NCOA2: variants seen among roughly 807,000 people sequenced by gnomAD.
The protein encoded by NCOA2 is nuclear receptor coactivator 2.
A neutral mutation model predicts 145.1 loss-of-function variants in NCOA2; 21 were observed. The observed-to-expected ratio is 0.14, with a 90% CI of 0.10 to 0.21. The LOEUF is 0.21. Among genes scored for constraint, NCOA2 ranks in the 10% least tolerant of loss-of-function variants. The probability of loss-of-function intolerance (pLI) is 1.00; values close to 1 mark genes in which losing one functional copy is unlikely to be tolerated. For missense variants in NCOA2, 1,472 were observed against 1,837.6 expected (o/e 0.80, Z 3.64); for synonymous variants, 619 against 637.5 (o/e 0.97, Z 0.44).
At chr8:70,198,492 C>A (rs2133452035) in intron 4 of NCOA2, among the ~76,000 whole-genome samples, 1 of 152,230 alleles carries the variant, frequency 6.6e-6, no homozygotes, top group Non-Finnish European at 1.5e-5. Flanking sequence ...TCACTGGAGG[C>A]TCAGGAGTTA....
At chr8:70,208,833 C>T (rs1263518538) in intron 4 of NCOA2, among the ~76,000 whole-genome samples, 1 of 152,158 alleles carries the variant, frequency 6.6e-6, no homozygotes, top group Non-Finnish European at 1.5e-5. Flanking sequence ...TGGCAATGGA[C>T]CCAGTCACCC....
chr8:70,255,301 A>C (rs1171900623), intron 2 of NCOA2, among the ~76,000 whole-genome samples: 1 of 152,230 alleles, frequency 6.6e-6, no homozygotes, highest in Non-Finnish European at 1.5e-5. Flanking sequence ...ATTTTTTGCC[A>C]AACTTAAAAA....
chr8:70,259,760 T>C (rs760055663), intron 2 of NCOA2, among the ~76,000 whole-genome samples: 59 of 152,178 alleles, frequency 3.9e-4, no homozygotes, highest in Non-Finnish European at 6.8e-4. Context: ...AAAATAAGAA[T>C]CACTCAATAA....
intron 13 of NCOA2, among the ~76,000 whole-genome samples, chr8:70,142,179 CTA>C (rs1810515948): frequency 6.6e-6 from 1 of 152,136 alleles, no homozygotes; most frequent in Non-Finnish European, 1.5e-5. Flanking sequence ...ACTTGATATT[CTA>C]AAGGGAAAAC....
chr8:70,336,373 C>T lies in NCOA2; in HGVS notation c.-76-39573G>A, dbSNP rs193235587. Among the ~76,000 whole-genome samples, 201 of 152,160 alleles carry T rather than the reference C, an allele frequency of 1.3e-3. 1 individual carries two copies. The highest frequency in any genetic ancestry group is 1.5e-3 in the Non-Finnish European group (105 of 68,002). On this transcript the variant is annotated intron_variant, in intron 1 of 22. Transcript: ENST00000452400. ...GGCTTATTTCACTTAGCCAGTCCACCCATATTGTAACATGTATCAGAAATT... is the reference window on the plus strand; with the variant it reads ...GGCTTATTTCACTTAGCCAGTCCACTCATATTGTAACATGTATCAGAAATT...
intron 2 of NCOA2, among the ~76,000 whole-genome samples, chr8:70,239,712 A>G (rs1037484541): frequency 1.3e-5 from 2 of 152,228 alleles, no homozygotes; most frequent in South Asian, 2.1e-4. Context: ...GGTTGGCTCA[A>G]TCAGGTTCTC....
the NCOA2 span, among the ~76,000 whole-genome samples, chr8:70,429,723 T>C: frequency 6.6e-6 from 1 of 152,218 alleles, no homozygotes; most frequent in Non-Finnish European, 1.5e-5. Context: ...CAATCGTCAA[T>C]TTCAAGAACA....
intron 4 of NCOA2, among the ~76,000 whole-genome samples, chr8:70,199,323 T>C (rs1817654755): frequency 6.6e-6 from 1 of 151,436 alleles, no homozygotes; most frequent in African/African-American, 2.4e-5. Context: ...TGGTGGTGGG[T>C]GCCTGTAGTC....
intron 2 of NCOA2, among the ~76,000 whole-genome samples, chr8:70,261,629 T>G (rs1195018568): frequency 6.6e-6 from 1 of 152,074 alleles, no homozygotes; most frequent in African/African-American, 2.4e-5. Context: ...AAGTAAAAGT[T>G]TCTAGCTAAA....
At chr8:70,442,106 G>GAAAGAAAGA in the NCOA2 span, among the ~76,000 whole-genome samples, 18 of 65,662 alleles carry the variant, frequency 2.7e-4, no homozygotes, top group East Asian at 4.5e-4. Flanking sequence ...AGAAGAAACA[G>GAAAGAAAGA]AGAAAGAAAG....
At chr8:70,219,454 C>T (rs1227459530) in intron 2 of NCOA2, among the ~76,000 whole-genome samples, 1 of 152,128 alleles carries the variant, frequency 6.6e-6, no homozygotes, top group Admixed American at 6.5e-5. Flanking sequence ...TGCCCCAGTA[C>T]ACACCTCCAA....
rs1159111046 is a variant in NCOA2 at position 70,270,331 on chromosome 8, T to C, written c.-20+26413A>G. The stretch of plus-strand genomic sequence containing the variant: ...CCTCAACTATGCAACAGCCGAAAAA[T>C]TGTTTACTAACTCTAGGTCCTAACT... On this transcript the variant is annotated intron_variant, in intron 2 of 22. Coordinates refer to ENST00000452400, the MANE Select transcript of NCOA2 (RefSeq NM_006540.4). Among the ~76,000 whole-genome samples the C allele has an allele frequency of 7.9e-5, 12 of 152,274 alleles. No homozygotes were observed. In the East Asian group the frequency reaches 1.5e-3, roughly 20 times the overall value.
intron 1 of NCOA2, among the ~76,000 whole-genome samples, chr8:70,378,814 G>T (rs531354296): frequency 1.3e-5 from 2 of 150,188 alleles, no homozygotes; most frequent in South Asian, 4.2e-4. Context: ...GCAGCCTGAT[G>T]ATGCTGACTA....
chr8:70,327,756 T>A (rs1289094998), intron 1 of NCOA2, among the ~76,000 whole-genome samples: 1 of 152,122 alleles, frequency 6.6e-6, no homozygotes, highest in Non-Finnish European at 1.5e-5. Flanking sequence ...AACACTGATG[T>A]ATTAAGAGAG....
intron 1 of NCOA2, among the ~76,000 whole-genome samples, chr8:70,297,237 T>C (rs1173341770): frequency 1.3e-5 from 2 of 151,892 alleles, no homozygotes; most frequent in Non-Finnish European, 2.9e-5. Flanking sequence ...ATAAAGAAAG[T>C]TCCCATGCTA....
In NCOA2 at chr8:70,141,168, A is replaced by T; in HGVS notation, c.3028+16T>A. On this transcript the variant is annotated intron_variant, in intron 14 of 22. Coordinates refer to ENST00000452400, the MANE Select transcript of NCOA2 (RefSeq NM_006540.4). Reference sequence around the variant, plus strand: ...AGCATAAAAGTTAAAAGCAAACAGCACTAGAGCCACCTTACCTATATTCAT... The same window carrying T: ...AGCATAAAAGTTAAAAGCAAACAGCTCTAGAGCCACCTTACCTATATTCAT... 1 of 1,610,578 alleles carries T rather than the reference A, an allele frequency of 6.2e-7. No homozygotes were observed. The highest frequency in any genetic ancestry group is 8.5e-7 in the Non-Finnish European group (1 of 1,178,046).
At chr8:70,160,604 C>T (rs1281841756) in intron 9 of NCOA2, among the ~76,000 whole-genome samples, 1 of 150,356 alleles carries the variant, frequency 6.7e-6, no homozygotes, top group African/African-American at 2.5e-5. Context: ...TGAATAGTTA[C>T]CCCTAAAGCA....
At chr8:70,396,054 T>C (rs778999126) in intron 1 of NCOA2, among the ~76,000 whole-genome samples, 64 of 152,214 alleles carry the variant, frequency 4.2e-4, no homozygotes, top group African/African-American at 1.4e-3. Context: ...AGAAGTCAGA[T>C]GACTGAATAT....
intron 2 of NCOA2, among the ~76,000 whole-genome samples, chr8:70,269,757 G>A (rs1824898217): frequency 1.3e-5 from 2 of 152,176 alleles, no homozygotes; most frequent in Non-Finnish European, 2.9e-5. Context: ...CTTAAGGCAA[G>A]TCAACCTAAA....
Sources: allele counts gnomAD v4.1 joint callset (sites outside exome capture counted in the v4.1 genomes callset), GRCh38; gene constraint gnomAD v4.1.1; transcripts MANE v1.5; gene names NCBI Gene and HGNC (gene_info 2026-07-23, HGNC 2026-07-21).